PPM1B: variants seen among roughly 807,000 people sequenced by gnomAD.
PPM1B encodes the protein protein phosphatase, Mg2+/Mn2+ dependent 1B.
PPM1B carries 22 observed loss-of-function variants against 43.0 expected under a neutral mutation model. That is an observed-to-expected ratio of 0.51 (90% CI 0.37 to 0.73). PPM1B has a LOEUF of 0.73. PPM1B is among the 30% of genes least tolerant of loss of function. The pLI is 0.00. For synonymous variants in PPM1B, 217 were observed against 197.9 expected, an observed-to-expected ratio of 1.10 and a Z score of -0.81; for missense variants, 632 against 584.2, an observed-to-expected ratio of 1.08 and a Z score of -0.84.
At chr2:44,235,925 TAAAA>T (rs199501207), downstream of PPM1B, among the ~76,000 whole-genome samples, 7 of 151,746 alleles carry the variant, frequency 4.6e-5, no homozygotes, top group Admixed American at 4.6e-4. Context: ...TCTTTTATAT[TAAAA>T]AAAACTCAAA....
intron 1 of PPM1B, among the ~76,000 whole-genome samples, chr2:44,177,855 C>A (rs1451910705): frequency 6.7e-6 from 1 of 148,676 alleles, no homozygotes; most frequent in Admixed American, 6.7e-5. Context: ...GTTCTAGTCC[C>A]TTTTTTCCAT....
At chr2:44,236,438 A>G (rs1459697003), downstream of PPM1B, among the ~76,000 whole-genome samples, 1 of 149,568 alleles carries the variant, frequency 6.7e-6, no homozygotes, top group Non-Finnish European at 1.5e-5. Flanking sequence ...GTTGTAATGA[A>G]CTGGTCTTCC....
chr2:44,244,250 T>G lies in PPM1B; in HGVS notation n.1569T>G, dbSNP rs767066839. The G allele has an allele frequency of 3.0e-6, 4 of 1,349,892 alleles. No homozygotes were observed. In the East Asian group the frequency reaches 1.8e-4, roughly 62 times the overall value. The allele number at this position is 1,349,892 out of a possible 1,614,324, so 83.6% of individuals were successfully genotyped here. ...CAGATGGCAGTCTTGGGCACGTCCA[T>G]CTGTAAACCTGCTGAGAGCTCTGGT... is the stretch of plus-strand genomic sequence containing the variant. On this transcript the variant is annotated non_coding_transcript_exon_variant, in exon 6 of 6. Transcript: ENST00000378540.
downstream of PPM1B, among the ~76,000 whole-genome samples, chr2:44,234,978 G>A (rs1670571519): frequency 1.3e-5 from 2 of 152,138 alleles, no homozygotes; most frequent in South Asian, 4.1e-4. Flanking sequence ...GTGTGGTATG[G>A]CCCGATGGTT....
At chr2:44,187,183 G>A (rs747056186) in intron 1 of PPM1B, among the ~76,000 whole-genome samples, 5 of 152,146 alleles carry the variant, frequency 3.3e-5, no homozygotes, top group Non-Finnish European at 5.9e-5. Context: ...GAATCATGTA[G>A]TATTTGTCTT....
At chr2:44,200,896 C>A (rs902924553) in intron 1 of PPM1B, among the ~76,000 whole-genome samples, 4 of 152,168 alleles carry the variant, frequency 2.6e-5, no homozygotes, top group Non-Finnish European at 5.9e-5. Flanking sequence ...GTGGTCTCAA[C>A]GTGGCTGCAC....
At chr2:44,211,665 T>G (rs1224284192) in intron 3 of PPM1B, among the ~76,000 whole-genome samples, 2 of 152,022 alleles carry the variant, frequency 1.3e-5, no homozygotes, top group Admixed American at 6.6e-5. Flanking sequence ...TCATTAAGAT[T>G]TTAGCAGATA....
intron 5 of PPM1B, among the ~76,000 whole-genome samples, chr2:44,221,666 A>C (rs1321508413): frequency 1.3e-5 from 2 of 152,190 alleles, no homozygotes; most frequent in African/African-American, 4.8e-5. Context: ...GGGTTTCTTT[A>C]GACTCCTGAA....
downstream of PPM1B, among the ~76,000 whole-genome samples, chr2:44,235,003 A>C (rs556486774): frequency 6.6e-6 from 1 of 152,280 alleles, no homozygotes; most frequent in South Asian, 2.1e-4. Flanking sequence ...TTTATGAAGA[A>C]ACCTGGCCTC....
rs140225247 is a variant in PPM1B, at chr2:44,193,859, G to A, written c.-14-7327G>A. The stretch of plus-strand genomic sequence containing the variant: ...CTCCCACAGTGCTGGGATTACAGGC[G>A]TGAGCCACTGTGCCCAGCATAAAAA... On this transcript the variant is annotated intron_variant, in intron 1 of 5. Coordinates refer to ENST00000282412, the MANE Select transcript of PPM1B (RefSeq NM_002706.6). Among the ~76,000 whole-genome samples the A allele has an allele frequency of 2.4e-4, 37 of 152,068 alleles. No individual in the cohort carries two copies. In the East Asian group the frequency reaches 5.8e-3, roughly 24 times the overall value.
At chr2:44,212,204 G>T (rs1028049088) in intron 3 of PPM1B, among the ~76,000 whole-genome samples, 1 of 152,114 alleles carries the variant, frequency 6.6e-6, no homozygotes, top group African/African-American at 2.4e-5. Flanking sequence ...ACTTGTTGTA[G>T]CGTCTTTTTG....
chr2:44,222,890 G>A (rs1280811517), intron 5 of PPM1B, among the ~76,000 whole-genome samples: 2 of 152,070 alleles, frequency 1.3e-5, no homozygotes, highest in Non-Finnish European at 2.9e-5. Flanking sequence ...GAGTGCTATG[G>A]CACCATCATG....
intron 1 of PPM1B, among the ~76,000 whole-genome samples, chr2:44,190,032 C>T (rs1419018182): frequency 6.6e-6 from 1 of 151,938 alleles, no homozygotes; most frequent in Non-Finnish European, 1.5e-5. Flanking sequence ...TGAATGTTTT[C>T]ATTACAAAAA....
In PPM1B at chr2:44,201,477, C is replaced by A; in HGVS notation, c.278C>A (p.Ser93Tyr). 1.2e-6 allele frequency: 2 copies of A among 1,614,198 alleles called. No individual in the cohort carries two copies. The highest frequency in any genetic ancestry group is 1.7e-6 in the Non-Finnish European group (2 of 1,180,016). Residue 93 changes from serine to tyrosine, a missense_variant, in exon 2 of 6, where the codon TCT (serine) becomes TAT (tyrosine). By Grantham distance (144) the Ser-to-Tyr change is moderately radical. This residue lies in a region of PPM1B where 200 missense variants were observed against 200.7 expected (regional missense o/e 1.00). Coordinates refer to ENST00000282412, the MANE Select transcript of PPM1B (RefSeq NM_002706.6). This position sits in a 1 kb window ranked among gnomAD's most constrained non-coding sequence, Gnocchi z 5.4. ...EDFRAAGKSG[S>Y]ALELSVENVK... is the part of the protein sequence containing the mutation. ...TTTAGGGCAGCTGGAAAATCAGGAT[C>A]TGCTCTTGAGCTTTCAGTGGAAAAT... is the stretch of plus-strand genomic sequence containing the variant.
chr2:44,201,022 A>T lies in PPM1B; in HGVS notation c.-14-164A>T, dbSNP rs1668907539. Among the ~76,000 whole-genome samples, 1 of 152,118 alleles carries T rather than the reference A, an allele frequency of 6.6e-6. No homozygotes were observed. On this transcript the variant is annotated intron_variant, in intron 1 of 5. Coordinates refer to ENST00000282412, the MANE Select transcript of PPM1B (RefSeq NM_002706.6). The surrounding 1 kb of genome is among the most constrained non-coding windows in gnomAD (Gnocchi z 5.4). ...TAGGGCTGAGAAACCACTGTTCTGT[A>T]GGATGTAGGGGAGGAAATTTCTTGG...
At chr2:44,246,867 G>T (rs569843124), downstream of PPM1B, among the ~76,000 whole-genome samples, 5 of 151,976 alleles carry the variant, frequency 3.3e-5, no homozygotes, top group African/African-American at 1.2e-4. Flanking sequence ...ATTATTTTTA[G>T]GTACCTCTGC....
At chr2:44,244,310 C>A in exon 6 of PPM1B, 1 of 1,360,934 alleles carries the variant, frequency 7.3e-7, no homozygotes, top group African/African-American at 1.5e-5. Flanking sequence ...ACCTTCCAAG[C>A]ACTCAGAAGC....
intron 5 of PPM1B, among the ~76,000 whole-genome samples, chr2:44,243,030 A>G (rs1240227913): frequency 6.6e-6 from 1 of 152,290 alleles, no homozygotes; most frequent in Non-Finnish European, 1.5e-5. Context: ...TTTTGAAAAA[A>G]ACACAATCTC....
downstream of PPM1B, chr2:44,233,788 T>C: frequency 1.0e-6 from 1 of 985,628 alleles, no homozygotes; most frequent in Non-Finnish European, 1.2e-6. Flanking sequence ...CTAAAAGGAA[T>C]TATTGCCACA....
Sources: allele counts gnomAD v4.1 joint callset (sites outside exome capture counted in the v4.1 genomes callset), GRCh38; gene constraint gnomAD v4.1.1; regional missense constraint gnomAD v4.1.1; non-coding constraint Gnocchi (gnomAD v3.1); transcripts MANE v1.5; gene names NCBI Gene and HGNC (gene_info 2026-07-23, HGNC 2026-07-21).